The following CNTNAP2 variants were observed in gnomAD, a reference collection of about 807,000 sequenced individuals.
The protein encoded by CNTNAP2 is contactin-associated protein-like 2.
CNTNAP2 carries 98 observed loss-of-function variants against 155.2 expected under a neutral mutation model. The observed-to-expected ratio is 0.63, with a 90% confidence interval of 0.54 to 0.75. The LOEUF (loss-of-function observed/expected upper bound fraction) is 0.75. Among genes scored for constraint, CNTNAP2 ranks in the 30% least tolerant of loss-of-function variants. The probability of loss-of-function intolerance (pLI) is 0.00; values close to 1 mark genes in which losing one functional copy is unlikely to be tolerated. For missense variants in CNTNAP2, 1,727 were observed against 1,688.1 expected, an observed-to-expected ratio of 1.02 and a Z score of -0.40; for synonymous variants, 651 against 631.2, an observed-to-expected ratio of 1.03 and a Z score of -0.47.
rs201836888 is a variant in CNTNAP2, at chr7:147,552,607, C to G, written c.1778-9531C>G. On this transcript the variant is annotated intron_variant, in intron 11 of 23. Transcript: ENST00000361727. ...ACACACACACACACACACACACACACAGAGATATAAATAAGAAAAATCTAC... is the reference window on the plus strand; with the variant it reads ...ACACACACACACACACACACACACAGAGAGATATAAATAAGAAAAATCTAC... Among the ~76,000 whole-genome samples the G allele has an allele frequency of 2.4e-3, 347 of 144,830 alleles. 1 individual carries two copies. The highest frequency in any genetic ancestry group is 6.6e-3 in the East Asian group (32 of 4,840).
intron 2 of CNTNAP2, among the ~76,000 whole-genome samples, chr7:146,793,852 G>A (rs1047396529): frequency 2.0e-5 from 3 of 152,154 alleles, no homozygotes; most frequent in African/African-American, 7.2e-5. Flanking sequence ...ACAACTCTAG[G>A]GACCATCAAA....
At chr7:148,082,436 A>G (rs1585116128) in intron 15 of CNTNAP2, among the ~76,000 whole-genome samples, 1 of 152,166 alleles carries the variant, frequency 6.6e-6, no homozygotes, top group Non-Finnish European at 1.5e-5. Flanking sequence ...TATTGATTGC[A>G]TCTCTTGTAA....
At chr7:148,395,052 C>G (rs1364818995) in intron 22 of CNTNAP2, among the ~76,000 whole-genome samples, 2 of 151,788 alleles carry the variant, frequency 1.3e-5, no homozygotes, top group Non-Finnish European at 2.9e-5. Flanking sequence ...TGGAGTTGAA[C>G]AGAAACTTGT....
At chr7:148,113,436 A>G (rs377121463) in intron 15 of CNTNAP2, among the ~76,000 whole-genome samples, 2 of 152,174 alleles carry the variant, frequency 1.3e-5, no homozygotes, top group Non-Finnish European at 2.9e-5. Context: ...CCAGGATCCA[A>G]TCACCTCCCA....
At chr7:146,934,216 A>G (rs894976019) in intron 3 of CNTNAP2, among the ~76,000 whole-genome samples, 8 of 152,026 alleles carry the variant, frequency 5.3e-5, no homozygotes, top group African/African-American at 1.9e-4. Context: ...GATAGACTGG[A>G]TGAAGAAAAT....
intron 10 of CNTNAP2, among the ~76,000 whole-genome samples, chr7:147,485,202 A>G (rs1798489832): frequency 6.6e-6 from 1 of 152,190 alleles, no homozygotes; most frequent in African/African-American, 2.4e-5. Context: ...GTCTGTTAAT[A>G]CTTCATGAAC....
intron 15 of CNTNAP2, among the ~76,000 whole-genome samples, chr7:148,029,230 G>A (rs530167690): frequency 1.1e-4 from 16 of 152,028 alleles, no homozygotes; most frequent in Admixed American, 6.6e-4. Flanking sequence ...ACAAACACAC[G>A]CACAACTCCA....
At chr7:147,627,521 C>A (rs538904141) in intron 12 of CNTNAP2, among the ~76,000 whole-genome samples, 1 of 151,844 alleles carries the variant, frequency 6.6e-6, no homozygotes, top group African/African-American at 2.4e-5. Flanking sequence ...CATAGTGAAA[C>A]CCTGTCTCTA....
intron 3 of CNTNAP2, among the ~76,000 whole-genome samples, chr7:146,870,213 C>CTTTTT (rs35523634): frequency 7.0e-6 from 1 of 143,094 alleles, no homozygotes. Flanking sequence ...AGGTCCTGGG[C>CTTTTT]TTTTTTTTTT....
intron 13 of CNTNAP2, among the ~76,000 whole-genome samples, chr7:147,721,462 T>G (rs1171476320): frequency 6.6e-6 from 1 of 152,050 alleles, no homozygotes; most frequent in Non-Finnish European, 1.5e-5. Flanking sequence ...AAGGGTGGCA[T>G]TTGTGGTGTA....
intron 3 of CNTNAP2, among the ~76,000 whole-genome samples, chr7:146,934,347 A>T (rs1353583322): frequency 6.6e-6 from 1 of 151,114 alleles, no homozygotes; most frequent in Non-Finnish European, 1.5e-5. Flanking sequence ...AAGAACAAAA[A>T]ACCAAACACC....
At chr7:147,785,707 A>G (rs1797728341) in intron 13 of CNTNAP2, among the ~76,000 whole-genome samples, 1 of 152,216 alleles carries the variant, frequency 6.6e-6, no homozygotes. Flanking sequence ...ACAATAAGCT[A>G]CAGACTGGGT....
At chr7:146,744,328 T>C (rs1465011706) in intron 1 of CNTNAP2, among the ~76,000 whole-genome samples, 1 of 151,812 alleles carries the variant, frequency 6.6e-6, no homozygotes, top group Non-Finnish European at 1.5e-5. Context: ...TTACATTAGA[T>C]GTATAGAAGC....
chr7:146,819,137 CAA>C (rs1803229031), intron 2 of CNTNAP2, among the ~76,000 whole-genome samples: 3 of 152,192 alleles, frequency 2.0e-5, no homozygotes, highest in East Asian at 1.9e-4. Flanking sequence ...CATTCTATCT[CAA>C]GTTACCCAAC....
At chr7:147,565,252 A>G (rs1800147877) in intron 12 of CNTNAP2, among the ~76,000 whole-genome samples, 1 of 152,162 alleles carries the variant, frequency 6.6e-6, no homozygotes, top group South Asian at 2.1e-4. Flanking sequence ...AAGAACTGAA[A>G]TCCCAGTGGC....
chr7:147,228,536 T>C (rs1218041790), intron 8 of CNTNAP2, among the ~76,000 whole-genome samples: 1 of 152,196 alleles, frequency 6.6e-6, no homozygotes, highest in African/African-American at 2.4e-5. Context: ...GTAAACAGCC[T>C]CTCAGCCTTT....
At chr7:146,324,492 C>G (rs993048426) in intron 1 of CNTNAP2, among the ~76,000 whole-genome samples, 18 of 152,072 alleles carry the variant, frequency 1.2e-4, no homozygotes, top group Admixed American at 1.0e-3. Flanking sequence ...TTGAAATTAG[C>G]AGTATCTGGT....
At chr7:147,676,828 C>G (rs1286552817) in intron 13 of CNTNAP2, among the ~76,000 whole-genome samples, 1 of 151,938 alleles carries the variant, frequency 6.6e-6, no homozygotes, top group African/African-American at 2.4e-5. Flanking sequence ...CATGTTGTCA[C>G]AAATAACAAG....
intron 1 of CNTNAP2, among the ~76,000 whole-genome samples, chr7:146,401,351 G>GA (rs1450107046): frequency 6.6e-6 from 1 of 151,942 alleles, no homozygotes; most frequent in Non-Finnish European, 1.5e-5. Flanking sequence ...TGGTGGCAGA[G>GA]AAAAAAATAA....
Sources: gnomAD v4.1 joint callset for allele counts (sites outside exome capture counted in the v4.1 genomes callset) on GRCh38, gnomAD v4.1.1 for gene constraint, MANE v1.5 for transcripts, NCBI Gene and HGNC (gene_info 2026-07-23, HGNC 2026-07-21) for gene names.